The following RAB31 variants were observed in gnomAD, a reference collection of about 807,000 sequenced individuals.
RAB31 encodes the protein ras-related protein Rab-31.
A neutral mutation model predicts 25.6 loss-of-function variants in RAB31; 21 were observed. That is an observed-to-expected ratio of 0.82 (90% CI 0.58 to 1.18). The LOEUF (loss-of-function observed/expected upper bound fraction) is 1.18. Ranked by LOEUF, RAB31 falls within the 50% of genes most tolerant of loss-of-function variation. The pLI is 0.00. For synonymous variants in RAB31, 87 were observed against 84.0 expected (o/e 1.04, Z -0.20); for missense variants, 196 against 250.1 (o/e 0.78, Z 1.46).
intron 3 of RAB31, among the ~76,000 whole-genome samples, chr18:9,797,877 A>C (rs1033696621): frequency 6.6e-6 from 1 of 152,210 alleles, no homozygotes; most frequent in South Asian, 2.1e-4. Flanking sequence ...CTATTCAAGG[A>C]ATAGTCTTTT....
intron 3 of RAB31, among the ~76,000 whole-genome samples, chr18:9,812,976 C>T (rs1430877775): frequency 2.0e-5 from 3 of 149,812 alleles, no homozygotes; most frequent in African/African-American, 7.4e-5. Context: ...GGATTACAGG[C>T]GTGAGCCACT....
At position 9,708,589 on chromosome 18, in the gene RAB31, C is replaced by G. The variant is rs2067998513; in HGVS notation, c.39+145C>G. On this transcript the variant is annotated intron_variant, in intron 1 of 6. Coordinates refer to ENST00000578921, the MANE Select transcript of RAB31 (RefSeq NM_006868.4). This position sits in a 1 kb window ranked among gnomAD's most constrained non-coding sequence, Gnocchi z 6.4. ...CCCCCGTCCCCCTCGTCCGCGCGCC[C>G]CCTGGTTCCCCGGGTCCCCCTGGCT... is the stretch of plus-strand genomic sequence containing the variant. 4.5e-6 allele frequency: 3 copies of G among 666,598 alleles called. No homozygotes were observed. Among genetic ancestry groups the G allele is most frequent in the Non-Finnish European group, 6.8e-6 (3 of 439,464 alleles). The allele number at this position is 666,598 out of a possible 1,614,324, so 41.3% of individuals were successfully genotyped here.
At chr18:9,858,289 G>A (rs573816699) in intron 6 of RAB31, among the ~76,000 whole-genome samples, 1 of 152,332 alleles carries the variant, frequency 6.6e-6, no homozygotes, top group South Asian at 2.1e-4. Context: ...AATTCACAGG[G>A]CGAGGTGAGG....
chr18:9,807,127 G>A (rs780898381), intron 3 of RAB31, among the ~76,000 whole-genome samples: 3 of 152,184 alleles, frequency 2.0e-5, no homozygotes, highest in Non-Finnish European at 2.9e-5. Context: ...TCTGAAGGCC[G>A]TGCTGGCTAG....
chr18:9,779,436 G>A (rs558259741), intron 2 of RAB31, among the ~76,000 whole-genome samples: 16 of 152,142 alleles, frequency 1.1e-4, no homozygotes, highest in African/African-American at 2.2e-4. Flanking sequence ...AAATGAAAAC[G>A]TATCACACTT....
At chr18:9,784,781 G>C (rs979480950) in intron 2 of RAB31, among the ~76,000 whole-genome samples, 2 of 151,954 alleles carry the variant, frequency 1.3e-5, no homozygotes, top group Non-Finnish European at 2.9e-5. Flanking sequence ...TCGAACTCCT[G>C]ACCTCAAGTG....
Position 9,846,837 on chromosome 18 carries a change from C to T in RAB31, c.490+1146C>T, listed in dbSNP as rs148815726. On this transcript the variant is annotated intron_variant, in intron 6 of 6. Transcript: ENST00000578921. ...GATGGGGAATTCTGACCTGTCTTAC[C>T]TACACTATGCAGAGATATGCAAAAG... Among the ~76,000 whole-genome samples the T allele has an allele frequency of 2.8e-3, 427 of 152,318 alleles. 2 individuals are homozygous for T. Among genetic ancestry groups the T allele is most frequent in the African/African-American group, 0.01 (418 of 41,566 alleles).
At chr18:9,824,599 C>T (rs1419047610) in intron 5 of RAB31, among the ~76,000 whole-genome samples, 1 of 152,174 alleles carries the variant, frequency 6.6e-6, no homozygotes, top group Non-Finnish European at 1.5e-5. Context: ...AACCTTGGCT[C>T]AGCCCACTTA....
At chr18:9,739,350 T>C (rs2068166240) in intron 1 of RAB31, among the ~76,000 whole-genome samples, 1 of 152,164 alleles carries the variant, frequency 6.6e-6, no homozygotes, top group African/African-American at 2.4e-5. Context: ...CGAGCACCTG[T>C]AGTCCCAGCT....
intron 1 of RAB31, among the ~76,000 whole-genome samples, chr18:9,722,451 G>A (rs925694425): frequency 1.3e-5 from 2 of 152,148 alleles, no homozygotes; most frequent in East Asian, 1.9e-4. Flanking sequence ...TGCATGATGC[G>A]TACCTCGGAA....
rs2068843650 is a variant in RAB31 at position 9,860,845 on chromosome 18, C to T, written c.*1520C>T. ...TTAAAGACCTGGCACTTCAGTAACT[C>T]AGCACGCTTCCACTTCACTCAACTT... On this transcript the variant is annotated 3_prime_UTR_variant, in exon 7 of 7. Transcript: ENST00000578921. 6.6e-6 allele frequency: 1 copy of T among 152,180 alleles called. No individual in the cohort carries two copies. The highest frequency in any genetic ancestry group is 1.5e-5 in the Non-Finnish European group (1 of 68,036). 9.4% of individuals were successfully genotyped at this position (152,180 alleles called of 1,614,324 possible).
At chr18:9,823,073 T>C (rs1436007037) in intron 5 of RAB31, among the ~76,000 whole-genome samples, 4 of 152,218 alleles carry the variant, frequency 2.6e-5, no homozygotes, top group African/African-American at 9.6e-5. Context: ...GGACTACTAC[T>C]CAGCACTAAA....
intron 2 of RAB31, among the ~76,000 whole-genome samples, chr18:9,779,327 G>A (rs930783038): frequency 4.6e-5 from 7 of 152,154 alleles, no homozygotes; most frequent in Non-Finnish European, 1.0e-4. Context: ...CTTCAATCCC[G>A]TATTCTTCAA....
intron 3 of RAB31, among the ~76,000 whole-genome samples, chr18:9,793,401 G>A (rs984888360): frequency 5.9e-5 from 9 of 152,122 alleles, no homozygotes; most frequent in Non-Finnish European, 8.8e-5. Flanking sequence ...GGTGGCTCAC[G>A]CCTGTAATCC....
chr18:9,833,133 C>T (rs2068687540), intron 5 of RAB31, among the ~76,000 whole-genome samples: 1 of 152,262 alleles, frequency 6.6e-6, no homozygotes, highest in Non-Finnish European at 1.5e-5. Context: ...AAAAAAGACA[C>T]TTCCAATTTT....
At chr18:9,724,324 A>G (rs1299519210) in intron 1 of RAB31, among the ~76,000 whole-genome samples, 2 of 151,988 alleles carry the variant, frequency 1.3e-5, no homozygotes, top group East Asian at 1.9e-4. Context: ...GATACTTCAC[A>G]TAATGTACTG....
intron 1 of RAB31, among the ~76,000 whole-genome samples, chr18:9,757,578 T>C (rs2068266417): frequency 6.6e-6 from 1 of 152,184 alleles, no homozygotes; most frequent in Admixed American, 6.5e-5. Flanking sequence ...AAGTGAGTGG[T>C]GTTCCTAGCT....
chr18:9,748,717 C>A (rs2068218627), intron 1 of RAB31, among the ~76,000 whole-genome samples: 1 of 151,796 alleles, frequency 6.6e-6, no homozygotes, highest in African/African-American at 2.4e-5. Flanking sequence ...ATGGTAAAAC[C>A]CCATCTTTAA....
At chr18:9,801,815 T>C (rs1024587087) in intron 3 of RAB31, among the ~76,000 whole-genome samples, 1 of 152,244 alleles carries the variant, frequency 6.6e-6, no homozygotes, top group Non-Finnish European at 1.5e-5. Context: ...TAGTCTTAGC[T>C]CTCACTTTTA....
Sources: gnomAD v4.1 joint callset for allele counts (sites outside exome capture counted in the v4.1 genomes callset) on GRCh38, gnomAD v4.1.1 for gene constraint, Gnocchi (gnomAD v3.1) non-coding constraint, MANE v1.5 for transcripts, NCBI Gene and HGNC (gene_info 2026-07-23, HGNC 2026-07-21) for gene names.